The following CCDC12 variants were observed in gnomAD, a reference collection of about 807,000 sequenced individuals.
CCDC12 encodes coiled-coil domain-containing protein 12.
A neutral mutation model predicts 25.7 loss-of-function variants in CCDC12; 28 were observed. The observed-to-expected ratio is 1.09, with a 90% CI of 0.81 to 1.50. The LOEUF is 1.50. Among genes scored for constraint, CCDC12 ranks in the 40% most tolerant of loss-of-function variants. The pLI, the probability that CCDC12 is intolerant of heterozygous loss-of-function variation, is 0.00. For missense variants in CCDC12, 198 were observed against 210.0 expected (o/e 0.94, Z 0.35); for synonymous variants, 75 against 87.7 (o/e 0.86, Z 0.81).
intron 1 of CCDC12, among the ~76,000 whole-genome samples, chr3:46,970,935 G>C (rs937054211): frequency 6.6e-6 from 1 of 152,158 alleles, no homozygotes; most frequent in African/African-American, 2.4e-5. Context: ...AGAAAAGTGT[G>C]CCCAGGCTGG....
intron 2 of CCDC12, among the ~76,000 whole-genome samples, chr3:46,928,473 T>C (rs1373964706): frequency 1.3e-5 from 2 of 152,306 alleles, no homozygotes; most frequent in Non-Finnish European, 1.5e-5. Context: ...GTTTTTGCCA[T>C]TGAACATAGT....
chr3:46,943,846 CAAAA>C (rs2033806993), intron 1 of CCDC12, among the ~76,000 whole-genome samples: 1 of 152,102 alleles, frequency 6.6e-6, no homozygotes, highest in Non-Finnish European at 1.5e-5. Context: ...AGCAGGGGCT[CAAAA>C]AAGATAAAGA....
At chr3:46,972,369 GA>G (rs1314754618) in intron 1 of CCDC12, among the ~76,000 whole-genome samples, 4 of 151,976 alleles carry the variant, frequency 2.6e-5, no homozygotes, top group Non-Finnish European at 5.9e-5. Flanking sequence ...CAGAGAATGG[GA>G]AAAAATATCA....
intron 1 of CCDC12, among the ~76,000 whole-genome samples, chr3:46,963,386 GCCCTCTCCCTCT>G (rs148335958): frequency 2.9e-4 from 6 of 20,848 alleles, no homozygotes; most frequent in African/African-American, 3.2e-4. Context: ...AAAATAATTA[GCCCTCTCCCTCT>G]CCCTCTCCCT....
chr3:46,928,900 G>C (rs1022935922), intron 2 of CCDC12, among the ~76,000 whole-genome samples: 2 of 152,160 alleles, frequency 1.3e-5, no homozygotes, highest in African/African-American at 4.8e-5. Context: ...GCTAAGGCAA[G>C]AGGATTGCTT....
intron 1 of CCDC12, among the ~76,000 whole-genome samples, chr3:46,957,038 C>T (rs1482509301): frequency 6.6e-6 from 1 of 152,152 alleles, no homozygotes; most frequent in Non-Finnish European, 1.5e-5. Context: ...AAAAGCTCCA[C>T]CTTGAGTCTT....
intron 5 of CCDC12, chr3:46,922,671 G>A (rs953596105): frequency 7.8e-5 from 28 of 357,538 alleles, no homozygotes; most frequent in Admixed American, 3.1e-4. Flanking sequence ...TCCAGCCACC[G>A]GCCCAGCCCC....
At chr3:46,955,727 T>C (rs2034269940) in intron 1 of CCDC12, among the ~76,000 whole-genome samples, 1 of 152,190 alleles carries the variant, frequency 6.6e-6, no homozygotes, top group African/African-American at 2.4e-5. Context: ...AAAGAGCATT[T>C]AGCAAAGCCC....
At chr3:46,932,527 G>A (rs1319462362) in intron 2 of CCDC12, among the ~76,000 whole-genome samples, 1 of 152,206 alleles carries the variant, frequency 6.6e-6, no homozygotes, top group Non-Finnish European at 1.5e-5. Context: ...CGGGTACAGT[G>A]TAAGGCAATA....
chr3:46,966,775 T>C (rs1285371574), intron 1 of CCDC12, among the ~76,000 whole-genome samples: 1 of 152,138 alleles, frequency 6.6e-6, no homozygotes, highest in Non-Finnish European at 1.5e-5. Context: ...TTGGCCAGCA[T>C]GCTGCACCTC....
chr3:46,973,582 C>G (rs1169020001), intron 1 of CCDC12, among the ~76,000 whole-genome samples: 1 of 149,592 alleles, frequency 6.7e-6, no homozygotes, highest in Non-Finnish European at 1.5e-5. Context: ...GATACTCAAA[C>G]AGGTATCTGT....
At chr3:46,948,588 G>C (rs1422748061) in intron 1 of CCDC12, among the ~76,000 whole-genome samples, 14 of 152,238 alleles carry the variant, frequency 9.2e-5, no homozygotes, top group Admixed American at 9.2e-4. Flanking sequence ...CTAACGGTGA[G>C]GCTTGACACC....
rs2033673423 is a variant in CCDC12, at chr3:46,940,900, C to A, written c.164+98G>T. 3 of 1,149,120 alleles carry A rather than the reference C, an allele frequency of 2.6e-6. No individual in the cohort carries two copies. The East Asian group carries it at 7.0e-5, about 27-fold the overall frequency. 71.2% of individuals were successfully genotyped at this position (1,149,120 alleles called of 1,614,324 possible). On this transcript the variant is annotated intron_variant, in intron 2 of 6. Coordinates refer to ENST00000683445, the MANE Select transcript of CCDC12 (RefSeq NM_001277074.2). ...TGGGCAGAAAGAAGAGGGGAGGGAA[C>A]AGGGCAGACACTGAACAGAGTTGGG...
At chr3:46,950,446 T>C (rs964112734) in intron 1 of CCDC12, among the ~76,000 whole-genome samples, 4 of 150,674 alleles carry the variant, frequency 2.7e-5, no homozygotes, top group Non-Finnish European at 5.9e-5. Context: ...TGCATAGGAG[T>C]AGCTAGGACT....
chr3:46,936,131 C>A (rs1333878876), intron 2 of CCDC12, among the ~76,000 whole-genome samples: 1 of 152,206 alleles, frequency 6.6e-6, no homozygotes, highest in Non-Finnish European at 1.5e-5. Context: ...TAGCCACAAA[C>A]CCTGGCCCTA....
At chr3:46,947,265 A>T (rs1315590462) in intron 1 of CCDC12, among the ~76,000 whole-genome samples, 1 of 152,236 alleles carries the variant, frequency 6.6e-6, no homozygotes, top group African/African-American at 2.4e-5. Context: ...AGAGATGGGC[A>T]CATAGTGCCT....
intron 2 of CCDC12, among the ~76,000 whole-genome samples, chr3:46,930,241 TACACAGAAACAACCAACGAA>T (rs2033153534): frequency 6.6e-6 from 1 of 152,056 alleles, no homozygotes; most frequent in Middle Eastern, 3.2e-3. Flanking sequence ...GTATTCTTCC[TACACAGAAACAACCAACGAA>T]GTACTCAAAA....
intron 1 of CCDC12, among the ~76,000 whole-genome samples, chr3:46,944,861 C>T (rs908752048): frequency 4.6e-5 from 7 of 152,198 alleles, no homozygotes; most frequent in African/African-American, 1.7e-4. Flanking sequence ...CACTGGGTCT[C>T]CACACCCCCA....
At chr3:46,955,559 T>C (rs899403376) in intron 1 of CCDC12, among the ~76,000 whole-genome samples, 2 of 151,976 alleles carry the variant, frequency 1.3e-5, no homozygotes, top group East Asian at 1.9e-4. Flanking sequence ...TCAGGGTCAC[T>C]AGAAGGAGCG....
Sources: allele counts gnomAD v4.1 joint callset (sites outside exome capture counted in the v4.1 genomes callset), GRCh38; gene constraint gnomAD v4.1.1; transcripts MANE v1.5; gene names NCBI Gene and HGNC (gene_info 2026-07-23, HGNC 2026-07-21).